The following ITSN1 variants were observed in gnomAD, a reference collection of about 807,000 sequenced individuals.
The protein encoded by ITSN1 is intersectin 1.
A neutral mutation model predicts 239.8 loss-of-function variants in ITSN1; 58 were observed. That is an observed-to-expected ratio of 0.24 (90% CI 0.20 to 0.30). The LOEUF (loss-of-function observed/expected upper bound fraction) is 0.30, where lower values mean the gene tolerates loss of function less well. ITSN1 is among the 10% of genes least tolerant of loss of function. The probability of loss-of-function intolerance (pLI) is 1.00; values close to 1 mark genes in which losing one functional copy is unlikely to be tolerated. For missense variants in ITSN1, 1,558 were observed against 2,103.3 expected (o/e 0.74, Z 5.07); for synonymous variants, 780 against 770.8 (o/e 1.01, Z -0.20).
intron 1 of ITSN1, among the ~76,000 whole-genome samples, chr21:33,660,953 C>T (rs886220308): frequency 1.3e-5 from 2 of 152,150 alleles, no homozygotes; most frequent in Non-Finnish European, 2.9e-5. Flanking sequence ...AATGTTGACA[C>T]ATTTCATTAA....
chr21:33,713,937 C>G (rs2092493045), intron 1 of ITSN1, among the ~76,000 whole-genome samples: 1 of 143,898 alleles, frequency 6.9e-6, no homozygotes, highest in Non-Finnish European at 1.5e-5. Flanking sequence ...CGGGTTCAAG[C>G]AATTCTCCTG....
At chr21:33,665,930 C>T (rs909211444) in intron 1 of ITSN1, among the ~76,000 whole-genome samples, 2 of 148,960 alleles carry the variant, frequency 1.3e-5, no homozygotes, top group African/African-American at 4.9e-5. Flanking sequence ...CTGTATGGTT[C>T]CTTTTTTTTT....
chr21:33,744,696 G>C (rs1181237459), intron 5 of ITSN1, among the ~76,000 whole-genome samples: 1 of 152,196 alleles, frequency 6.6e-6, no homozygotes, highest in African/African-American at 2.4e-5. Context: ...AGCATAGTAG[G>C]AGGATATCAG....
chr21:33,710,543 A>G (rs1012319433), intron 1 of ITSN1, among the ~76,000 whole-genome samples: 3 of 152,000 alleles, frequency 2.0e-5, no homozygotes, highest in African/African-American at 7.2e-5. Flanking sequence ...ATATTTTAGT[A>G]TCCTTTTTAT....
intron 5 of ITSN1, among the ~76,000 whole-genome samples, chr21:33,737,735 A>G (rs1020927415): frequency 6.6e-6 from 1 of 151,958 alleles, no homozygotes; most frequent in African/African-American, 2.4e-5. Context: ...CGCAACACCC[A>G]GCTAATTTTT....
Position 33,766,906 on chromosome 21 carries a change from G to A in ITSN1, c.927-807G>A, listed in dbSNP as rs1168994067. Among the ~76,000 whole-genome samples, 4 of 152,334 alleles carry A rather than the reference G, an allele frequency of 2.6e-5. No individual in the cohort carries two copies. In the East Asian group the frequency reaches 7.7e-4, roughly 29 times the overall value. On this transcript the variant is annotated intron_variant, in intron 10 of 39. Transcript: ENST00000381318. ...TGGGGAGGGTGGTGCGGTGGCTCAC[G>A]CCTGTAATCCCAGCACGTTGGGAGG...
intron 4 of ITSN1, 139 bp downstream of exon 4, chr21:33,722,790 A>C (rs973666380): frequency 2.5e-6 from 2 of 810,100 alleles, no homozygotes; most frequent in Non-Finnish European, 3.5e-6. Flanking sequence ...GTTACTTCTT[A>C]CCAGAGAGTT....
intron 28 of ITSN1, among the ~76,000 whole-genome samples, chr21:33,835,954 A>C (rs1329128071): frequency 6.6e-6 from 1 of 152,192 alleles, no homozygotes; most frequent in Non-Finnish European, 1.5e-5. Flanking sequence ...ATAAATAAAT[A>C]AATCACTGGT....
intron 21 of ITSN1, among the ~76,000 whole-genome samples, chr21:33,813,036 G>A (rs565954953): frequency 6.6e-6 from 1 of 152,150 alleles, no homozygotes; most frequent in East Asian, 1.9e-4. Context: ...GATCATGTGA[G>A]GATGTTTCTC....
chr21:33,795,274 C>A (rs1417536545), intron 17 of ITSN1, among the ~76,000 whole-genome samples: 2 of 152,192 alleles, frequency 1.3e-5, no homozygotes, highest in Non-Finnish European at 2.9e-5. Flanking sequence ...CATGGTGAAA[C>A]CCTGTTCTAT....
chr21:33,755,139 A>G lies in ITSN1; in HGVS notation c.624-158A>G, dbSNP rs545702600. On this transcript the variant is annotated intron_variant, in intron 7 of 39. Coordinates refer to ENST00000381318, the MANE Select transcript of ITSN1 (RefSeq NM_003024.3). ...ATGATCTTAAAAATGGGAAATACCC[A>G]TGGCAAAAAAAATCAGAAGTAGTGA... Among the ~76,000 whole-genome samples, 6 of 152,370 alleles carry G rather than the reference A, an allele frequency of 3.9e-5. No individual in the cohort carries two copies. The East Asian group carries it at 5.8e-4, about 15-fold the overall frequency.
chr21:33,873,368 T>C (rs558558112), intron 33 of ITSN1, among the ~76,000 whole-genome samples: 97 of 152,372 alleles, frequency 6.4e-4, no homozygotes, highest in African/African-American at 2.3e-3. Context: ...GCTTAGGGTC[T>C]TTCTTCATTC....
chr21:33,668,061 GGCTCCACTTATGGCTTT>G (rs1279403502), intron 1 of ITSN1, among the ~76,000 whole-genome samples: 1 of 152,120 alleles, frequency 6.6e-6, no homozygotes, highest in African/African-American at 2.4e-5. Context: ...CCTAGAGATT[GGCTCCACTTATGGCTTT>G]ATAATAGGAC....
At chr21:33,806,019 C>A (rs1466070273) in intron 20 of ITSN1, among the ~76,000 whole-genome samples, 3 of 134,386 alleles carry the variant, frequency 2.2e-5, no homozygotes, top group East Asian at 2.4e-4. Flanking sequence ...CTGGCTAACA[C>A]GGTGAAACCC....
chr21:33,861,018 G>T (rs1166115893), intron 31 of ITSN1, among the ~76,000 whole-genome samples: 1 of 152,176 alleles, frequency 6.6e-6, no homozygotes, highest in Non-Finnish European at 1.5e-5. Flanking sequence ...GGATTAGCTT[G>T]TTTGGACTAA....
Position 33,897,463 on chromosome 21 carries a change from T to C in ITSN1, c.*9163T>C, listed in dbSNP as rs2834291. The C allele has an allele frequency of 0.61, 92,702 of 152,116 alleles. 28,671 individuals carry two copies. Among genetic ancestry groups the C allele is most frequent in the African/African-American group, 0.68 (28,204 of 41,488 alleles). The allele number at this position is 152,116 out of a possible 1,614,324, so 9.4% of individuals were successfully genotyped here. A position where few individuals can be genotyped will look rare whatever the true frequency, so the allele number is the denominator to read the frequency against. ...AACAAAAATGTCCTGTGGATGATAA[T>C]CAGCTCAGTTTCCGGTTTTCTACAT... On this transcript the variant is annotated 3_prime_UTR_variant, in exon 40 of 40. Transcript: ENST00000381318.
intron 1 of ITSN1, among the ~76,000 whole-genome samples, chr21:33,693,065 G>T (rs1325859059): frequency 2.0e-5 from 3 of 152,048 alleles, no homozygotes; most frequent in African/African-American, 7.2e-5. Context: ...CGAAGTGCTG[G>T]GATTATAGGC....
chr21:33,720,123 G>A (rs998649758), intron 2 of ITSN1, among the ~76,000 whole-genome samples: 2 of 152,344 alleles, frequency 1.3e-5, no homozygotes, highest in South Asian at 2.1e-4. Context: ...ACAGGGCAGT[G>A]AAAATTTCTT....
intron 29 of ITSN1, among the ~76,000 whole-genome samples, chr21:33,845,621 C>T (rs2074967774): frequency 6.6e-6 from 1 of 152,148 alleles, no homozygotes; most frequent in Admixed American, 6.5e-5. Flanking sequence ...ACGGCTCAGT[C>T]GTCACCTCCT....
Sources: allele counts gnomAD v4.1 joint callset (sites outside exome capture counted in the v4.1 genomes callset), GRCh38; gene constraint gnomAD v4.1.1; transcripts MANE v1.5; gene names NCBI Gene and HGNC (gene_info 2026-07-23, HGNC 2026-07-21).